Variants in DGKB observed in about 807,000 individuals in gnomAD.
DGKB encodes diacylglycerol kinase beta.
In DGKB, 67 loss-of-function variants were observed where a neutral mutation model predicts 114.3. That is an observed-to-expected ratio of 0.59 (90% CI 0.48 to 0.72). The LOEUF (loss-of-function observed/expected upper bound fraction) is 0.72, where lower values mean the gene tolerates loss of function less well. Among genes scored for constraint, DGKB ranks in the 30% least tolerant of loss-of-function variants. The pLI is 0.00. For synonymous variants in DGKB, 398 were observed against 323.1 expected, an observed-to-expected ratio of 1.23 and a Z score of -2.49; for missense variants, 907 against 975.2, an observed-to-expected ratio of 0.93 and a Z score of 0.93.
intron 23 of DGKB, among the ~76,000 whole-genome samples, chr7:14,285,562 C>G (rs1800743850): frequency 1.3e-5 from 2 of 152,160 alleles, no homozygotes; most frequent in Non-Finnish European, 2.9e-5. Context: ...GTCTCACAGA[C>G]TACTTCATGG....
At chr7:14,796,530 A>G (rs1436543047) in intron 2 of DGKB, among the ~76,000 whole-genome samples, 1 of 152,126 alleles carries the variant, frequency 6.6e-6, no homozygotes, top group Non-Finnish European at 1.5e-5. Context: ...ACATGGCTTT[A>G]CCCGCACAAT....
chr7:14,738,718 A>G (rs1832106722), intron 4 of DGKB, among the ~76,000 whole-genome samples: 1 of 152,224 alleles, frequency 6.6e-6, no homozygotes. Context: ...GCATTTAACA[A>G]ACCATGCATG....
chr7:14,363,731 G>A (rs1487840998), intron 21 of DGKB, among the ~76,000 whole-genome samples: 2 of 151,964 alleles, frequency 1.3e-5, no homozygotes, highest in Admixed American at 1.3e-4. Context: ...TTATCTTTTT[G>A]AGCAATTATT....
At chr7:14,489,401 T>C (rs1028665417) in intron 20 of DGKB, among the ~76,000 whole-genome samples, 1 of 152,184 alleles carries the variant, frequency 6.6e-6, no homozygotes, top group Admixed American at 6.6e-5. Context: ...TTTGCTGATA[T>C]ATATTATTTT....
At chr7:14,787,424 T>C (rs867189390) in intron 2 of DGKB, among the ~76,000 whole-genome samples, 107 of 152,306 alleles carry the variant, frequency 7.0e-4, no homozygotes, top group Middle Eastern at 3.4e-3. Flanking sequence ...ATGTATCTTT[T>C]ATGTTAATTC....
intron 16 of DGKB, among the ~76,000 whole-genome samples, chr7:14,607,993 C>A (rs938442938): frequency 1.3e-5 from 2 of 151,872 alleles, no homozygotes; most frequent in South Asian, 2.1e-4. Context: ...TACATGTAAG[C>A]AAAGAATGTA....
At chr7:14,839,385 A>C (rs1847597070) in intron 2 of DGKB, among the ~76,000 whole-genome samples, 1 of 151,834 alleles carries the variant, frequency 6.6e-6, no homozygotes, top group African/African-American at 2.4e-5. Flanking sequence ...TTCTGAACTA[A>C]ATTTTCTTTA....
chr7:14,872,266 C>T (rs752013839), intron 1 of DGKB, among the ~76,000 whole-genome samples: 5 of 152,114 alleles, frequency 3.3e-5, no homozygotes, highest in African/African-American at 1.2e-4. Flanking sequence ...ACAGGAATAA[C>T]AAACATACGC....
intron 20 of DGKB, among the ~76,000 whole-genome samples, chr7:14,512,707 T>C (rs1156323280): frequency 6.6e-6 from 1 of 152,074 alleles, no homozygotes; most frequent in Non-Finnish European, 1.5e-5. Flanking sequence ...CACCTTTTTT[T>C]CTCTACTAAA....
intron 23 of DGKB, among the ~76,000 whole-genome samples, chr7:14,308,366 G>T (rs1158249868): frequency 6.6e-6 from 1 of 151,926 alleles, no homozygotes; most frequent in Non-Finnish European, 1.5e-5. Flanking sequence ...TGTAATAGGT[G>T]TTTTCTATAA....
chr7:14,480,806 C>G (rs981299977), intron 20 of DGKB, among the ~76,000 whole-genome samples: 1 of 152,016 alleles, frequency 6.6e-6, no homozygotes, highest in Non-Finnish European at 1.5e-5. Context: ...CTTCAAAGTA[C>G]CTTGGTGGAG....
At position 14,389,076 on chromosome 7, in the gene DGKB, T is replaced by C. The variant is rs189138289; in HGVS notation, c.1836-43685A>G. ...TTTTTTTGCTGCTATTGCTGAGGTA[T>C]AGCTTTCAATATTATCACTGATTTA... On this transcript the variant is annotated intron_variant, in intron 21 of 25. Transcript: ENST00000402815. Among the ~76,000 whole-genome samples, 9 of 152,330 alleles carry C rather than the reference T, an allele frequency of 5.9e-5. No individual in the cohort carries two copies. In the East Asian group the frequency reaches 1.7e-3, roughly 29 times the overall value.
chr7:14,891,675 T>C (rs934444906), intron 1 of DGKB, among the ~76,000 whole-genome samples: 3 of 151,378 alleles, frequency 2.0e-5, no homozygotes, highest in Non-Finnish European at 4.4e-5. Flanking sequence ...GATTTTTAAA[T>C]TAAAATCCAA....
At chr7:14,361,760 A>G (rs1486257205) in intron 21 of DGKB, among the ~76,000 whole-genome samples, 1 of 152,042 alleles carries the variant, frequency 6.6e-6, no homozygotes, top group Non-Finnish European at 1.5e-5. Context: ...GTCCATATAA[A>G]CAGATAATAA....
chr7:14,314,570 A>G (rs920548823), intron 23 of DGKB, among the ~76,000 whole-genome samples: 19 of 152,136 alleles, frequency 1.2e-4, no homozygotes, highest in Non-Finnish European at 2.1e-4. Flanking sequence ...AGGGAGAAGG[A>G]AAGTTTAGAG....
At chr7:14,892,780 A>T (rs1462839349) in intron 1 of DGKB, among the ~76,000 whole-genome samples, 3 of 150,784 alleles carry the variant, frequency 2.0e-5, no homozygotes, top group African/African-American at 7.3e-5. Context: ...TACCTGTTCA[A>T]ATTGTTATAT....
intron 21 of DGKB, among the ~76,000 whole-genome samples, chr7:14,387,430 A>C (rs1342164660): frequency 7.5e-6 from 1 of 132,994 alleles, no homozygotes; most frequent in Non-Finnish European, 1.7e-5. Context: ...AAAAAAAAAA[A>C]AAGACAGGGT....
At chr7:14,893,739 CTT>C (rs893726756) in intron 1 of DGKB, among the ~76,000 whole-genome samples, 13 of 151,308 alleles carry the variant, frequency 8.6e-5, no homozygotes, top group African/African-American at 2.4e-4. Context: ...ATTTTCCCCT[CTT>C]GAGTAAATTT....
chr7:14,638,292 T>C (rs747518030), intron 13 of DGKB, among the ~76,000 whole-genome samples: 1 of 152,164 alleles, frequency 6.6e-6, no homozygotes, highest in South Asian at 2.1e-4. Context: ...CTAAATACAA[T>C]GCTACTTTGG....
Sources: allele counts gnomAD v4.1 joint callset (sites outside exome capture counted in the v4.1 genomes callset), GRCh38; gene constraint gnomAD v4.1.1; transcripts MANE v1.5; gene names NCBI Gene and HGNC (gene_info 2026-07-23, HGNC 2026-07-21).